ADGRL2: variants seen among roughly 807,000 people sequenced by gnomAD.
ADGRL2 encodes adhesion G protein-coupled receptor L2.
In ADGRL2, 44 loss-of-function variants were observed where a neutral mutation model predicts 157.4. The ratio of observed to expected loss-of-function variants is 0.28; its 90% CI spans 0.22 to 0.36. ADGRL2 has a LOEUF of 0.36. Among genes scored for constraint, ADGRL2 ranks in the 10% least tolerant of loss-of-function variants. ADGRL2 has a pLI of 1.00. For synonymous variants in ADGRL2, 585 were observed against 624.7 expected (o/e 0.94, Z 0.95); for missense variants, 1,510 against 1,768.9 (o/e 0.85, Z 2.63).
intron 2 of ADGRL2, among the ~76,000 whole-genome samples, chr1:81,898,307 A>G (rs912999867): frequency 3.3e-5 from 5 of 152,152 alleles, no homozygotes; most frequent in Non-Finnish European, 5.9e-5. Context: ...ACAAATTACA[A>G]CATTTTCTAG....
At chr1:81,914,456 C>T (rs1021755035) in intron 3 of ADGRL2, among the ~76,000 whole-genome samples, 32 of 152,116 alleles carry the variant, frequency 2.1e-4, no homozygotes, top group African/African-American at 7.7e-4. Context: ...CAGGGTTACT[C>T]TTGCTTAGCA....
intron 1 of ADGRL2, among the ~76,000 whole-genome samples, chr1:81,344,729 T>C (rs1051860907): frequency 1.3e-5 from 2 of 151,554 alleles, no homozygotes; most frequent in East Asian, 1.9e-4. Flanking sequence ...CCAGAACTGT[T>C]ACATCAGTAA....
chr1:81,418,949 T>C (rs1417377688), intron 1 of ADGRL2, among the ~76,000 whole-genome samples: 2 of 152,280 alleles, frequency 1.3e-5, no homozygotes, highest in East Asian at 3.9e-4. Flanking sequence ...AGGTATCCAT[T>C]TCCTCACTGG....
intron 1 of ADGRL2, among the ~76,000 whole-genome samples, chr1:81,753,758 TG>T (rs1489995342): frequency 6.6e-6 from 1 of 152,216 alleles, no homozygotes; most frequent in East Asian, 1.9e-4. Context: ...GGTTTTGATC[TG>T]TTTTTTAGTT....
chr1:81,984,735 TTTAA>T (rs769971845), intron 20 of ADGRL2, 24 bp downstream of exon 20: 2 of 1,610,982 alleles, frequency 1.2e-6, no homozygotes, highest in Middle Eastern at 1.7e-4. Flanking sequence ...TGACAGCATC[TTTAA>T]TTAACCTTAT....
chr1:81,909,147 A>G (rs955239501), intron 3 of ADGRL2, among the ~76,000 whole-genome samples: 7 of 152,140 alleles, frequency 4.6e-5, no homozygotes, highest in Admixed American at 1.3e-4. Flanking sequence ...AAGTGCTAGG[A>G]TTACAGATGT....
intron 1 of ADGRL2, among the ~76,000 whole-genome samples, chr1:81,806,083 G>A (rs2089099237): frequency 6.6e-6 from 1 of 152,060 alleles, no homozygotes. Context: ...ATTTAGAAAT[G>A]GAGATAGCTC....
At chr1:81,972,434 A>G (rs1659015768) in intron 17 of ADGRL2, among the ~76,000 whole-genome samples, 1 of 152,202 alleles carries the variant, frequency 6.6e-6, no homozygotes, top group Non-Finnish European at 1.5e-5. Context: ...AATTACTTCT[A>G]TAAGACTGAA....
chr1:81,739,756 G>A (rs11589417), intron 1 of ADGRL2, among the ~76,000 whole-genome samples: 43,990 of 152,062 alleles, frequency 0.29, 6,537 homozygotes, highest in South Asian at 0.39. Context: ...CAGTGTTTCT[G>A]AACAGGGGCA....
At chr1:81,533,617 C>T (rs1051160431) in intron 2 of ADGRL2, among the ~76,000 whole-genome samples, 4 of 151,872 alleles carry the variant, frequency 2.6e-5, no homozygotes, top group Admixed American at 2.6e-4. Flanking sequence ...AATAAAATAC[C>T]GAGAGCTACT....
At chr1:81,471,506 TTAAA>T (rs1307526367) in intron 2 of ADGRL2, among the ~76,000 whole-genome samples, 2 of 152,178 alleles carry the variant, frequency 1.3e-5, no homozygotes, top group Admixed American at 6.6e-5. Flanking sequence ...TATTTAATGA[TTAAA>T]TAACGTACTC....
At chr1:81,524,283 G>A (rs564478357) in intron 2 of ADGRL2, among the ~76,000 whole-genome samples, 139 of 152,040 alleles carry the variant, frequency 9.1e-4, no homozygotes, top group African/African-American at 3.3e-3. Flanking sequence ...GGAGAATGGC[G>A]TAAACCTGGG....
chr1:81,744,363 A>G lies in ADGRL2; in HGVS notation c.-142-17448A>G, dbSNP rs568512602. On this transcript the variant is annotated intron_variant, in intron 1 of 20. Transcript: ENST00000359929. ...TTACAAATGAAAAACCGATGAATAC[A>G]GATATAAAACAACTTGCTCAAAGTC... 2.0e-5 allele frequency among the ~76,000 whole-genome samples: 3 copies of G among 152,202 alleles called. No homozygotes were observed. In the East Asian group the frequency reaches 5.8e-4, roughly 29 times the overall value.
At chr1:81,343,092 C>T (rs57566069) in intron 1 of ADGRL2, among the ~76,000 whole-genome samples, 50,632 of 130,670 alleles carry the variant, frequency 0.39, 10,660 homozygotes, top group African/African-American at 0.52. Context: ...TTTTTCTTTT[C>T]TTTTTTTTTT....
chr1:81,971,403 A>G (rs1198399166), intron 16 of ADGRL2, among the ~76,000 whole-genome samples: 9 of 152,230 alleles, frequency 5.9e-5, no homozygotes, highest in Non-Finnish European at 1.3e-4. Flanking sequence ...TGCAACAAAC[A>G]TAACATCTGA....
intron 2 of ADGRL2, among the ~76,000 whole-genome samples, chr1:81,531,662 G>A (rs1174553982): frequency 1.3e-5 from 2 of 151,962 alleles, no homozygotes; most frequent in Non-Finnish European, 1.5e-5. Context: ...AAGTTAGATC[G>A]GGGGAAAAAA....
At chr1:81,851,998 A>G (rs1251819885) in intron 2 of ADGRL2, among the ~76,000 whole-genome samples, 1 of 151,972 alleles carries the variant, frequency 6.6e-6, no homozygotes, top group Non-Finnish European at 1.5e-5. Flanking sequence ...TATATTCTGT[A>G]CAATGATGAA....
chr1:81,778,587 A>C (rs1301468234), intron 2 of ADGRL2, among the ~76,000 whole-genome samples: 1 of 152,180 alleles, frequency 6.6e-6, no homozygotes, highest in African/African-American at 2.4e-5. Flanking sequence ...TATATAAGCT[A>C]TTCCGCACCG....
chr1:81,577,127 C>T (rs1339328641), intron 2 of ADGRL2, among the ~76,000 whole-genome samples: 1 of 152,128 alleles, frequency 6.6e-6, no homozygotes, highest in Non-Finnish European at 1.5e-5. Context: ...ATTGATTTTC[C>T]TCTCTTTGGA....
Sources: allele counts gnomAD v4.1 joint callset (sites outside exome capture counted in the v4.1 genomes callset), GRCh38; gene constraint gnomAD v4.1.1; transcripts MANE v1.5; gene names NCBI Gene and HGNC (gene_info 2026-07-23, HGNC 2026-07-21).